The following PYM1 variants were observed in gnomAD, a reference collection of about 807,000 sequenced individuals.
PYM1 encodes PYM1 exon junction complex associated factor.
Under a neutral mutation model 20.7 loss-of-function variants are expected in PYM1, and 7 were observed. That is an observed-to-expected ratio of 0.34 (90% CI 0.19 to 0.64). PYM1 has a LOEUF of 0.64. Ranked by LOEUF, PYM1 falls within the 30% of genes least tolerant of loss-of-function variation. The pLI, the probability that PYM1 is intolerant of heterozygous loss-of-function variation, is 0.74. For synonymous variants in PYM1, 100 were observed against 99.2 expected (o/e 1.01, Z -0.05); for missense variants, 194 against 250.0 (o/e 0.78, Z 1.51).
intron 1 of PYM1, among the ~76,000 whole-genome samples, chr12:55,915,022 T>G (rs1209615635): frequency 1.3e-5 from 2 of 151,718 alleles, no homozygotes; most frequent in Non-Finnish European, 2.9e-5. Flanking sequence ...GAGACCATCC[T>G]GGCTAACACG....
At chr12:55,907,414 C>A (rs1882839127) in intron 1 of PYM1, among the ~76,000 whole-genome samples, 1 of 134,252 alleles carries the variant, frequency 7.4e-6, no homozygotes, top group African/African-American at 2.9e-5. Context: ...GCCTGGACAA[C>A]ATGGTGAAAC....
At chr12:55,921,255 GAC>G (rs1883093023) in intron 1 of PYM1, among the ~76,000 whole-genome samples, 1 of 152,136 alleles carries the variant, frequency 6.6e-6, no homozygotes, top group Non-Finnish European at 1.5e-5. Flanking sequence ...CAATGTGTTG[GAC>G]ACTTTTTATG....
chr12:55,906,115 T>C (rs1348429601), intron 1 of PYM1, among the ~76,000 whole-genome samples: 2 of 150,364 alleles, frequency 1.3e-5, no homozygotes, highest in East Asian at 3.9e-4. Context: ...AAATGATCAT[T>C]GGATAGTCAG....
intron 1 of PYM1, among the ~76,000 whole-genome samples, chr12:55,914,828 G>A (rs1309335036): frequency 6.6e-6 from 1 of 152,108 alleles, no homozygotes; most frequent in African/African-American, 2.4e-5. Context: ...TTTCCCTCAA[G>A]GAAGAAAAGG....
rs1882778311 is a variant in PYM1 at position 55,905,434 on chromosome 12, G to C, written c.38-1954C>G. ...CCAAAATTCTTGGCAGGGCACAGTAGCTCATGCCTGTAATCCCAACACTTT... is the reference window on the plus strand; with the variant it reads ...CCAAAATTCTTGGCAGGGCACAGTACCTCATGCCTGTAATCCCAACACTTT... On this transcript the variant is annotated intron_variant, in intron 1 of 2. Coordinates refer to ENST00000408946, the MANE Select transcript of PYM1 (RefSeq NM_032345.3). 2.0e-5 allele frequency among the ~76,000 whole-genome samples: 3 copies of C among 151,720 alleles called. No homozygotes were observed. In the South Asian group the frequency reaches 6.2e-4, roughly 32 times the overall value.
At position 55,901,505 on chromosome 12, in the gene PYM1, G is replaced by T. The variant is rs374485918; in HGVS notation, c.*367C>A. 12 of 185,038 alleles carry T rather than the reference G, an allele frequency of 6.5e-5. No individual in the cohort carries two copies. Among genetic ancestry groups the T allele is most frequent in the African/African-American group, 2.2e-4 (9 of 41,818 alleles). 11.5% of individuals were successfully genotyped at this position (185,038 alleles called of 1,614,324 possible). A position where few individuals can be genotyped will look rare whatever the true frequency, so the allele number is the denominator to read the frequency against. On this transcript the variant is annotated 3_prime_UTR_variant, in exon 3 of 3. Transcript: ENST00000408946. ...GAGGGAAATAACCCATAAACACCGC[G>T]AACAGGAACCAAGACTCCAAGACTT... is the stretch of plus-strand genomic sequence containing the variant.
chr12:55,919,841 G>A (rs1415743769), intron 1 of PYM1, among the ~76,000 whole-genome samples: 5 of 151,162 alleles, frequency 3.3e-5, no homozygotes, highest in African/African-American at 7.3e-5. Flanking sequence ...AGCAGAGATC[G>A]CGTCACTGCA....
chr12:55,902,468 G>C, intron 2 of PYM1, 113 bp from the exon 3 acceptor site: 1 of 1,425,700 alleles, frequency 7.0e-7, no homozygotes, highest in South Asian at 1.4e-5. Flanking sequence ...TTTTTTTGTT[G>C]TTGTTTTTGT....
At position 55,901,638 on chromosome 12, in the gene PYM1, C is replaced by A; in HGVS notation, c.*234G>T. On this transcript the variant is annotated 3_prime_UTR_variant, in exon 3 of 3. Coordinates refer to ENST00000408946, the MANE Select transcript of PYM1 (RefSeq NM_032345.3). The stretch of plus-strand genomic sequence containing the variant: ...CAGCAGCAAAGGTACCTGGGGTAGT[C>A]ACTGAGATTTTGAACACTGGGAATG... The A allele has an allele frequency of 1.9e-6, 1 of 524,238 alleles. No homozygotes were observed. The highest frequency in any genetic ancestry group is 3.3e-6 in the Non-Finnish European group (1 of 305,508). 32.5% of individuals were successfully genotyped at this position (524,238 alleles called of 1,614,324 possible).
chr12:55,927,187 G>A (rs1883209240), intron 1 of PYM1: 2 of 1,544,642 alleles, frequency 1.3e-6, no homozygotes, highest in Admixed American at 2.0e-5. Context: ...AGTCCCGATC[G>A]TAGCAAGCCA....
At chr12:55,920,559 G>A (rs1883080579) in intron 1 of PYM1, among the ~76,000 whole-genome samples, 1 of 151,130 alleles carries the variant, frequency 6.6e-6, no homozygotes, top group Non-Finnish European at 1.5e-5. Flanking sequence ...AATCACTTGA[G>A]CCCAGGAGGT....
At chr12:55,915,140 G>A (rs372302790) in intron 1 of PYM1, among the ~76,000 whole-genome samples, 5 of 147,540 alleles carry the variant, frequency 3.4e-5, no homozygotes, top group East Asian at 2.0e-4. Context: ...CCTTGAAGGC[G>A]GGAGGCAGAG....
chr12:55,924,748 C>T (rs1883160187), intron 1 of PYM1, among the ~76,000 whole-genome samples: 1 of 152,348 alleles, frequency 6.6e-6, no homozygotes, highest in South Asian at 2.1e-4. Flanking sequence ...GCGAACTCAG[C>T]TCACTGCAAC....
intron 1 of PYM1, among the ~76,000 whole-genome samples, chr12:55,919,508 A>G (rs117830607): frequency 0.019 from 2,944 of 152,312 alleles, 43 homozygotes; most frequent in Middle Eastern, 0.065. Context: ...AGGTGTTTCA[A>G]GGATTCATAT....
At chr12:55,918,450 A>G (rs1204804699) in intron 1 of PYM1, among the ~76,000 whole-genome samples, 1 of 151,888 alleles carries the variant, frequency 6.6e-6, no homozygotes, top group African/African-American at 2.4e-5. Flanking sequence ...ATCAACAAAT[A>G]GGCCAGGCAT....
At chr12:55,914,220 C>A in intron 1 of PYM1, 1 of 687,074 alleles carries the variant, frequency 1.5e-6, no homozygotes, top group Non-Finnish European at 2.7e-6. Context: ...TCTTGAATGG[C>A]CATCCTGTGT....
intron 1 of PYM1, among the ~76,000 whole-genome samples, chr12:55,904,453 G>A (rs2136256872): frequency 6.6e-6 from 1 of 151,272 alleles, no homozygotes; most frequent in Middle Eastern, 3.4e-3. Flanking sequence ...AAAATTAGCT[G>A]GGCATGCTAG....
chr12:55,925,762 T>C (rs1262808156), intron 1 of PYM1, among the ~76,000 whole-genome samples: 1 of 152,184 alleles, frequency 6.6e-6, no homozygotes, highest in South Asian at 2.1e-4. Flanking sequence ...AAACAGCTTT[T>C]AGTGACAAGG....
Position 55,902,530 on chromosome 12 carries a change from T to C in PYM1, c.132-175A>G, listed in dbSNP as rs187286247. Among the ~76,000 whole-genome samples the C allele has an allele frequency of 4.1e-3, 628 of 152,162 alleles. 7 individuals are homozygous for C. The highest frequency in any genetic ancestry group is 0.015 in the African/African-American group (602 of 41,506). ...TCTCGCTCAGTTGCCCAGGCTGGAG[T>C]GTAATGGCGCAATCTCAGCTCACTG... On this transcript the variant is annotated intron_variant, in intron 2 of 2. Transcript: ENST00000408946.
Sources: allele counts gnomAD v4.1 joint callset (sites outside exome capture counted in the v4.1 genomes callset), GRCh38; gene constraint gnomAD v4.1.1; transcripts MANE v1.5; gene names NCBI Gene and HGNC (gene_info 2026-07-23, HGNC 2026-07-21).